Variants in FGD4 observed in about 807,000 individuals in gnomAD.
FGD4 encodes the protein FYVE, RhoGEF and PH domain-containing protein 4.
FGD4 carries 42 observed loss-of-function variants against 102.0 expected under a neutral mutation model. That is an observed-to-expected ratio of 0.41 (90% CI 0.32 to 0.53). The LOEUF is 0.53. Among genes scored for constraint, FGD4 ranks in the 20% least tolerant of loss-of-function variants. FGD4 has a pLI of 0.21. For synonymous variants in FGD4, 380 were observed against 375.7 expected (o/e 1.01, Z -0.13); for missense variants, 902 against 1,078.2 (o/e 0.84, Z 2.29).
intron 1 of FGD4, among the ~76,000 whole-genome samples, chr12:32,512,632 G>C (rs1592061973): frequency 6.6e-6 from 1 of 152,124 alleles, no homozygotes; most frequent in Non-Finnish European, 1.5e-5. Flanking sequence ...AGGTGGGTGA[G>C]CAGCCAGTAA....
At chr12:32,451,034 C>G (rs1340008989) in intron 1 of FGD4, among the ~76,000 whole-genome samples, 2 of 152,174 alleles carry the variant, frequency 1.3e-5, no homozygotes, top group Non-Finnish European at 2.9e-5. Flanking sequence ...ACTTGGTTCT[C>G]TTTTTAAGTG....
At chr12:32,453,357 C>T (rs988593722) in intron 1 of FGD4, among the ~76,000 whole-genome samples, 2 of 151,208 alleles carry the variant, frequency 1.3e-5, no homozygotes, top group Non-Finnish European at 2.9e-5. Flanking sequence ...TCTCAGCCTC[C>T]CGAGTAGCTG....
Position 32,601,292 on chromosome 12 carries a change from A to G in FGD4, c.1116A>G (p.Lys372=). The change falls in exon 6 of 17, where the codon AAA becomes AAG. Residue 372 remains lysine, a synonymous_variant. Coordinates refer to ENST00000534526, the MANE Select transcript of FGD4 (RefSeq NM_001370298.3). ...CTTTTATTCAGGTATTTTATTGCAA[A>G]CTGTTGGAAGAAGCAAACCGAGGCT... The part of the protein sequence containing the change: ...LDLLDQVFYC[K]LLEEANRGSF... 1.2e-6 allele frequency: 2 copies of G among 1,614,098 alleles called. No individual in the cohort carries two copies. Among genetic ancestry groups the G allele is most frequent in the South Asian group, 2.2e-5 (2 of 91,072 alleles).
intron 1 of FGD4, among the ~76,000 whole-genome samples, chr12:32,551,499 T>G (rs1943666536): frequency 6.6e-6 from 1 of 152,144 alleles, no homozygotes; most frequent in Non-Finnish European, 1.5e-5. Context: ...AAGTAAGTCA[T>G]TCACCCAGCT....
At chr12:32,473,655 G>A (rs1242828352) in intron 1 of FGD4, among the ~76,000 whole-genome samples, 2 of 152,114 alleles carry the variant, frequency 1.3e-5, no homozygotes, top group East Asian at 3.9e-4. Flanking sequence ...GGACACACCT[G>A]GGTGCAGCTC....
chr12:32,410,867 T>G (rs1398210060), intron 1 of FGD4, among the ~76,000 whole-genome samples: 1 of 151,934 alleles, frequency 6.6e-6, no homozygotes. Context: ...GGTTTTGTTT[T>G]AGGCCACATG....
chr12:32,453,235 ATATTTTTT>A lies in FGD4; in HGVS notation c.166+53278_166+53285del, dbSNP rs1565749267. On this transcript the variant is annotated intron_variant, in intron 1 of 16. Coordinates refer to ENST00000534526, the MANE Select transcript of FGD4 (RefSeq NM_001370298.3). ...ATATATATATAATATAGATATATAT[ATATTTTTT>A]TTTTTTTAAATGTAGAGCCTCACTC... Among the ~76,000 whole-genome samples the A allele has an allele frequency of 6.0e-5, 3 of 49,776 alleles. 1 individual carries two copies. The highest frequency in any genetic ancestry group is 6.7e-4 in the South Asian group (1 of 1,496). 32.7% of individuals were successfully genotyped at this position (49,776 alleles called of 152,430 possible). A position where few individuals can be genotyped will look rare whatever the true frequency, so the allele number is the denominator to read the frequency against.
At chr12:32,559,839 T>A (rs1188285342) in intron 1 of FGD4, among the ~76,000 whole-genome samples, 1 of 152,242 alleles carries the variant, frequency 6.6e-6, no homozygotes, top group Non-Finnish European at 1.5e-5. Context: ...ATGACCTTTT[T>A]AAAAAGACTC....
chr12:32,452,128 T>C (rs1942796422), intron 1 of FGD4, among the ~76,000 whole-genome samples: 1 of 152,234 alleles, frequency 6.6e-6, no homozygotes, highest in South Asian at 2.1e-4. Context: ...AAGTTCTTTT[T>C]CTTCTTTACA....
chr12:32,488,012 G>A (rs537811815), intron 1 of FGD4, among the ~76,000 whole-genome samples: 2 of 152,154 alleles, frequency 1.3e-5, no homozygotes, highest in African/African-American at 4.8e-5. Context: ...TCCAAGTCTT[G>A]TATGAATGAA....
At chr12:32,553,293 C>G (rs1438994951) in intron 1 of FGD4, among the ~76,000 whole-genome samples, 2 of 152,162 alleles carry the variant, frequency 1.3e-5, no homozygotes, top group Non-Finnish European at 2.9e-5. Context: ...ACAAGTATAG[C>G]AGGTTGTGTT....
At position 32,566,102 on chromosome 12, in the gene FGD4, G is replaced by A. The variant is rs528753735; in HGVS notation, c.319+1813G>A. 4.6e-5 allele frequency among the ~76,000 whole-genome samples: 7 copies of A among 152,282 alleles called. No homozygotes were observed. The South Asian group carries it at 1.5e-3, about 32-fold the overall frequency. On this transcript the variant is annotated intron_variant, in intron 2 of 16. Coordinates refer to ENST00000534526, the MANE Select transcript of FGD4 (RefSeq NM_001370298.3). ...CTGAAAGTCCAAGATCAGATTCAGG[G>A]TCTGATGAGGGCTTGCTTTCTGGTC...
At position 32,582,261 on chromosome 12, in the gene FGD4, A is replaced by G. The variant is rs767881787; in HGVS notation, c.805A>G (p.Arg269Gly). ...LLDTHIVNGE[R>G]DETATAPASP... ...TGATACGCACATAGTGAATGGAGAA[A>G]GAGATGAAACTGCCACAGCTCCTGC... Residue 269 changes from arginine (R) to glycine (G), a missense_variant, in exon 4 of 17, where the codon AGA (arginine) becomes GGA (glycine). Transcript: ENST00000534526. 2 of 1,614,132 alleles carry G rather than the reference A, an allele frequency of 1.2e-6. No individual in the cohort carries two copies. The highest frequency in any genetic ancestry group is 1.3e-5 in the African/African-American group (1 of 74,944).
At chr12:32,614,782 A>AC (rs1451485504) in intron 10 of FGD4, among the ~76,000 whole-genome samples, 2 of 152,312 alleles carry the variant, frequency 1.3e-5, no homozygotes, top group East Asian at 3.9e-4. Flanking sequence ...AATTCTCAAG[A>AC]CCCTCAGTTC....
intron 1 of FGD4, among the ~76,000 whole-genome samples, chr12:32,498,182 CTTT>C (rs1937938373): frequency 6.6e-6 from 1 of 152,210 alleles, no homozygotes; most frequent in Admixed American, 6.5e-5. Context: ...TGCCTAGGCG[CTTT>C]GGGTATCACT....
chr12:32,441,690 T>C (rs1942440229), intron 1 of FGD4, among the ~76,000 whole-genome samples: 1 of 152,114 alleles, frequency 6.6e-6, no homozygotes, highest in African/African-American at 2.4e-5. Context: ...CTTGTCCCCC[T>C]AGTCCACTGT....
At chr12:32,471,136 C>T (rs1230103562) in intron 1 of FGD4, among the ~76,000 whole-genome samples, 1 of 152,180 alleles carries the variant, frequency 6.6e-6, no homozygotes, top group South Asian at 2.1e-4. Context: ...CAACCTTCCC[C>T]CCAACCCCCA....
chr12:32,443,882 C>G (rs1280732855), intron 1 of FGD4, among the ~76,000 whole-genome samples: 1 of 151,572 alleles, frequency 6.6e-6, no homozygotes, highest in African/African-American at 2.4e-5. Flanking sequence ...TTTCAAAGAG[C>G]CTAAAACCAA....
At chr12:32,479,321 G>C (rs1459497132) in intron 1 of FGD4, among the ~76,000 whole-genome samples, 1 of 152,036 alleles carries the variant, frequency 6.6e-6, no homozygotes, top group Admixed American at 6.6e-5. Context: ...TATGACTAAA[G>C]TGTAGTCATA....
Sources: gnomAD v4.1 joint callset for allele counts (sites outside exome capture counted in the v4.1 genomes callset) on GRCh38, gnomAD v4.1.1 for gene constraint, MANE v1.5 for transcripts, NCBI Gene and HGNC (gene_info 2026-07-23, HGNC 2026-07-21) for gene names.